The following DNAH17 variants were observed in gnomAD, a reference collection of about 807,000 sequenced individuals.
DNAH17 encodes axonemal beta dynein heavy chain 17.
DNAH17 carries 376 observed loss-of-function variants against 485.6 expected under a neutral mutation model. The observed-to-expected ratio is 0.77, with a 90% CI of 0.71 to 0.84. DNAH17 has a LOEUF of 0.84. Ranked by LOEUF, DNAH17 falls within the 40% of genes least tolerant of loss-of-function variation. DNAH17 has a pLI of 0.00. For synonymous variants in DNAH17, 3,031 were observed against 2,405.9 expected (o/e 1.26, Z -7.60); for missense variants, 6,370 against 5,839.3 (o/e 1.09, Z -2.96).
chr17:78,544,878 A>G (rs973332339), intron 16 of DNAH17, among the ~76,000 whole-genome samples: 5 of 148,760 alleles, frequency 3.4e-5, no homozygotes, highest in African/African-American at 5.0e-5. Context: ...GTTATCTGTC[A>G]TTAGATTTTT....
intron 25 of DNAH17, among the ~76,000 whole-genome samples, chr17:78,521,678 A>G (rs1482010705): frequency 6.6e-6 from 1 of 152,180 alleles, no homozygotes; most frequent in Non-Finnish European, 1.5e-5. Flanking sequence ...GTTTCATATT[A>G]AAAACTTTAA....
chr17:78,461,863 T>C (rs983674149), intron 57 of DNAH17, among the ~76,000 whole-genome samples, 155 bp from the exon 58 acceptor site: 7 of 152,120 alleles, frequency 4.6e-5, no homozygotes, highest in African/African-American at 1.7e-4. Flanking sequence ...GTCTTTTCAA[T>C]ATCTTAAAAG....
chr17:78,429,440 G>A, intron 75 of DNAH17, 140 bp from the exon 76 acceptor site: 3 of 925,644 alleles, frequency 3.2e-6, no homozygotes, highest in Non-Finnish European at 3.2e-6. Flanking sequence ...CAGCCTCCTG[G>A]CCATTTACCT....
intron 54 of DNAH17, among the ~76,000 whole-genome samples, chr17:78,472,221 G>A (rs1165406986): frequency 1.4e-5 from 2 of 144,024 alleles, no homozygotes; most frequent in Admixed American, 7.2e-5. Flanking sequence ...GTGGGGGTGT[G>A]TGAGACATTA....
chr17:78,441,841 T>C (rs1184564679), intron 71 of DNAH17, among the ~76,000 whole-genome samples: 2 of 151,316 alleles, frequency 1.3e-5, no homozygotes, highest in Non-Finnish European at 2.9e-5. Flanking sequence ...TCTCAGCACT[T>C]TGGGAGGCCA....
intron 6 of DNAH17, 64 bp downstream of exon 6, chr17:78,570,884 A>AAAAAAAAAAAAAAAAAAAAAAAT: frequency 1.4e-6 from 1 of 696,464 alleles, no homozygotes; most frequent in African/African-American, 2.3e-5. Flanking sequence ...AAAAAGAAAA[A>AAAAAAAAAAAAAAAAAAAAAAAT]AGAAAAGAAA....
At chr17:78,498,960 G>T in intron 37 of DNAH17, 48 bp downstream of exon 37, 1 of 1,442,294 alleles carries the variant, frequency 6.9e-7, no homozygotes, top group African/African-American at 1.4e-5. Context: ...GAAAGCTGAC[G>T]AGCCAGTCAC....
At chr17:78,561,226 T>C (rs943410349) in intron 12 of DNAH17, among the ~76,000 whole-genome samples, 1 of 151,760 alleles carries the variant, frequency 6.6e-6, no homozygotes, top group African/African-American at 2.4e-5. Flanking sequence ...CCAACTTTCC[T>C]TCTCCCTTCC....
chr17:78,441,962 A>C (rs1021107029), intron 71 of DNAH17, among the ~76,000 whole-genome samples: 1 of 152,128 alleles, frequency 6.6e-6, no homozygotes, highest in Non-Finnish European at 1.5e-5. Flanking sequence ...ACAGGCCTGT[A>C]ATTCCAGCCA....
In DNAH17 at chr17:78,502,889, G is replaced by C; in HGVS notation, c.5079C>G (p.Ala1693=). Reference sequence around the variant, plus strand: ...CGAGCCCCCACCCGCCTCAGACCTGGGCTGGGTAGTCCAGGATCCACTGCT... The same window carrying C: ...CGAGCCCCCACCCGCCTCAGACCTGCGCTGGGTAGTCCAGGATCCACTGCT... The part of the protein sequence containing the change: ...PREQWILDYP[A]QVALTCTQIW... The change falls in exon 32 of 81, where the codon GCC becomes GCG. Residue 1693 remains alanine, a synonymous_variant. Coordinates refer to ENST00000389840, the MANE Select transcript of DNAH17 (RefSeq NM_173628.4). 1 of 1,613,774 alleles carries C rather than the reference G, an allele frequency of 6.2e-7. No individual in the cohort carries two copies. The highest frequency in any genetic ancestry group is 8.5e-7 in the Non-Finnish European group (1 of 1,179,868).
chr17:78,450,213 C>CCA, intron 68 of DNAH17, 41 bp downstream of exon 68: 2 of 1,610,266 alleles, frequency 1.2e-6, no homozygotes, highest in Non-Finnish European at 1.7e-6. Context: ...AGATGCAGCC[C>CCA]CACCTTGAGG....
At chr17:78,564,757 T>C (rs2092233609) in intron 11 of DNAH17, among the ~76,000 whole-genome samples, 1 of 152,094 alleles carries the variant, frequency 6.6e-6, no homozygotes, top group African/African-American at 2.4e-5. Flanking sequence ...TCAAATCCAG[T>C]GCCTGACCTC....
intron 13 of DNAH17, among the ~76,000 whole-genome samples, chr17:78,559,031 C>T (rs1320188394): frequency 6.6e-6 from 1 of 152,184 alleles, no homozygotes; most frequent in Admixed American, 6.5e-5. Flanking sequence ...TCAAGATGTC[C>T]ATGATGGGGA....
chr17:78,444,287 A>G (rs948624687), intron 71 of DNAH17, among the ~76,000 whole-genome samples: 6 of 152,140 alleles, frequency 3.9e-5, no homozygotes, highest in African/African-American at 1.4e-4. Flanking sequence ...CCTATCATGT[A>G]TCGCAGGGCA....
chr17:78,440,579 G>C (rs963383064), intron 72 of DNAH17, among the ~76,000 whole-genome samples: 1 of 151,920 alleles, frequency 6.6e-6, no homozygotes, highest in Non-Finnish European at 1.5e-5. Context: ...TTTTTTAATC[G>C]AGGGATACTA....
At chr17:78,550,413 C>A (rs7211806) in intron 16 of DNAH17, among the ~76,000 whole-genome samples, 26,174 of 151,444 alleles carry the variant, frequency 0.17, 2,591 homozygotes, top group African/African-American at 0.25. Context: ...GTGTAGGGGC[C>A]CTGACACCCA....
intron 48 of DNAH17, among the ~76,000 whole-genome samples, chr17:78,480,993 C>T (rs1056842690): frequency 6.6e-6 from 1 of 152,008 alleles, no homozygotes; most frequent in African/African-American, 2.4e-5. Flanking sequence ...GACGGGGTTT[C>T]GCCGTGTTAG....
At chr17:78,572,576 A>T in intron 3 of DNAH17, 125 bp downstream of exon 3, 1 of 918,440 alleles carries the variant, frequency 1.1e-6, no homozygotes, top group African/African-American at 1.7e-5. Flanking sequence ...CCCCGGCTTT[A>T]ACATGTGAAG....
intron 56 of DNAH17, among the ~76,000 whole-genome samples, chr17:78,464,880 AT>A (rs1248793336): frequency 6.6e-6 from 1 of 152,220 alleles, no homozygotes; most frequent in Non-Finnish European, 1.5e-5. Context: ...AATTCTGATG[AT>A]TTGTTCATCA....
Sources: gnomAD v4.1 joint callset for allele counts (sites outside exome capture counted in the v4.1 genomes callset) on GRCh38, gnomAD v4.1.1 for gene constraint, MANE v1.5 for transcripts, NCBI Gene and HGNC (gene_info 2026-07-23, HGNC 2026-07-21) for gene names.